The following RRBP1 variants were observed in gnomAD, a reference collection of about 807,000 sequenced individuals.
RRBP1 encodes the protein ribosome binding protein 1.
Under a neutral mutation model 165.2 loss-of-function variants are expected in RRBP1, and 94 were observed. The observed-to-expected ratio is 0.57, with a 90% CI of 0.48 to 0.68. The LOEUF (loss-of-function observed/expected upper bound fraction) is 0.68, where lower values mean the gene tolerates loss of function less well. RRBP1 is among the 30% of genes least tolerant of loss of function. RRBP1 has a pLI of 0.00. For synonymous variants in RRBP1, 680 were observed against 714.5 expected (o/e 0.95, Z 0.77); for missense variants, 1,676 against 1,763.0 (o/e 0.95, Z 0.88).
At chr20:17,668,029 T>G (rs188749550) in intron 2 of RRBP1, among the ~76,000 whole-genome samples, 3 of 152,360 alleles carry the variant, frequency 2.0e-5, no homozygotes, top group East Asian at 3.9e-4. Flanking sequence ...ATAATATCTT[T>G]TTAATCTCTC....
chr20:17,622,481 C>A (rs1010748261), intron 13 of RRBP1, among the ~76,000 whole-genome samples: 1 of 151,948 alleles, frequency 6.6e-6, no homozygotes, highest in Admixed American at 6.5e-5. Flanking sequence ...AAGGGGCAAC[C>A]CAGAGAGGCT....
chr20:17,633,439 G>A, intron 8 of RRBP1, 21 bp downstream of exon 8: 1 of 1,607,944 alleles, frequency 6.2e-7, no homozygotes, highest in Non-Finnish European at 8.5e-7. Context: ...GGGCACTGAG[G>A]CGGCCACTGC....
At chr20:17,615,257 C>T (rs1212630506) in intron 23 of RRBP1, among the ~76,000 whole-genome samples, 174 bp downstream of exon 23, 1 of 152,224 alleles carries the variant, frequency 6.6e-6, no homozygotes, top group Non-Finnish European at 1.5e-5. Flanking sequence ...CCATGTGACA[C>T]TGCAGGGCTA....
At chr20:17,652,104 CCA>C (rs1165966495) in intron 3 of RRBP1, among the ~76,000 whole-genome samples, 1 of 152,226 alleles carries the variant, frequency 6.6e-6, no homozygotes, top group Non-Finnish European at 1.5e-5. Flanking sequence ...TATGGGCCAG[CCA>C]CAGCCTCTGT....
intron 2 of RRBP1, among the ~76,000 whole-genome samples, chr20:17,677,567 C>T (rs919607245): frequency 2.6e-5 from 4 of 152,278 alleles, no homozygotes; most frequent in South Asian, 2.1e-4. Context: ...AGGCCGGGCA[C>T]GGTGGCTCAT....
chr20:17,626,801 T>C (rs374801434), intron 11 of RRBP1, among the ~76,000 whole-genome samples: 3 of 152,246 alleles, frequency 2.0e-5, no homozygotes, highest in South Asian at 4.1e-4. Context: ...TCCCCGAACA[T>C]GGCCTGGCGC....
chr20:17,628,535 C>T (rs902806125), intron 9 of RRBP1, among the ~76,000 whole-genome samples: 5 of 152,230 alleles, frequency 3.3e-5, no homozygotes, highest in African/African-American at 7.2e-5. Flanking sequence ...TGTCCAGAAG[C>T]GCACATGAGA....
chr20:17,663,800 GA>G (rs978480010), intron 2 of RRBP1, among the ~76,000 whole-genome samples: 2 of 152,166 alleles, frequency 1.3e-5, no homozygotes, highest in African/African-American at 4.8e-5. Context: ...GCCCCCAACA[GA>G]AACCTCTTCT....
At chr20:17,653,393 T>C (rs1000218013) in intron 3 of RRBP1, among the ~76,000 whole-genome samples, 3 of 152,244 alleles carry the variant, frequency 2.0e-5, no homozygotes, top group Non-Finnish European at 2.9e-5. Flanking sequence ...CCACCCATGC[T>C]GTTAGTAAGA....
At chr20:17,618,259 G>T (rs2035839267) in intron 20 of RRBP1, among the ~76,000 whole-genome samples, 1 of 152,194 alleles carries the variant, frequency 6.6e-6, no homozygotes, top group African/African-American at 2.4e-5. Flanking sequence ...TGATGCCAGG[G>T]ACTGCAATAT....
chr20:17,632,496 C>A (rs1260007457), intron 8 of RRBP1, among the ~76,000 whole-genome samples: 2 of 152,218 alleles, frequency 1.3e-5, no homozygotes, highest in African/African-American at 4.8e-5. Context: ...CTCAATTCCA[C>A]CCCAATTCAA....
Position 17,641,466 on chromosome 20 carries a change from T to C in RRBP1, c.2184+331A>G, listed in dbSNP as rs940694517. The C allele has an allele frequency of 2.6e-5, 9 of 340,942 alleles. No individual in the cohort carries two copies. In the East Asian group the frequency reaches 6.1e-4, roughly 23 times the overall value. 21.1% of individuals were successfully genotyped at this position (340,942 alleles called of 1,614,324 possible). A position where few individuals can be genotyped will look rare whatever the true frequency, so the allele number is the denominator to read the frequency against. On this transcript the variant is annotated intron_variant, in intron 5 of 24. Transcript: ENST00000377813. Reference sequence around the variant, plus strand: ...AGCCCCTAGAAAGCTGGCCTGTGACTGCAGGACCTGTCTAGTGAAAGCCAG... The same window carrying C: ...AGCCCCTAGAAAGCTGGCCTGTGACCGCAGGACCTGTCTAGTGAAAGCCAG...
chr20:17,678,286 G>C (rs2037118950), intron 2 of RRBP1, among the ~76,000 whole-genome samples: 1 of 152,140 alleles, frequency 6.6e-6, no homozygotes, highest in Non-Finnish European at 1.5e-5. Flanking sequence ...TCCCTTACAA[G>C]CCATCACTTT....
chr20:17,615,184 C>T (rs945382820), intron 23 of RRBP1, among the ~76,000 whole-genome samples: 12 of 152,248 alleles, frequency 7.9e-5, no homozygotes, highest in African/African-American at 1.7e-4. Flanking sequence ...GGCTGAGGAA[C>T]GCACTTCACG....
intron 15 of RRBP1, 26 bp downstream of exon 15, chr20:17,621,664 G>A: frequency 6.2e-7 from 1 of 1,610,158 alleles, no homozygotes; most frequent in Non-Finnish European, 8.5e-7. Flanking sequence ...CCCAACAGAG[G>A]AGCCTTGCCA....
intron 8 of RRBP1, 31 bp from the exon 9 acceptor site, chr20:17,629,992 A>G (rs752409823): frequency 1.9e-6 from 3 of 1,578,788 alleles, no homozygotes; most frequent in South Asian, 1.1e-5. Flanking sequence ...GGGGCAGTGA[A>G]GACGTGGAAG....
Position 17,614,843 on chromosome 20 carries a change from A to G in RRBP1, c.4088T>C (p.Leu1363Pro), listed in dbSNP as rs1042514038. 4 of 1,613,664 alleles carry G rather than the reference A, an allele frequency of 2.5e-6. No homozygotes were observed. The African/African-American group carries it at 5.3e-5, about 22-fold the overall frequency. ...CTGCAGTCTCGTGGCGGCGCGCCCC[A>G]GGTCACTTGTTAACTTCTTCTCTTT... Reference protein sequence around the residue: ...LEKEKKLTSDLGRAATRLQEL... With the variant: ...LEKEKKLTSDPGRAATRLQEL... Residue 1363 changes from leucine (L) to proline (P), a missense_variant, in exon 24 of 25, where the codon CTG (leucine) becomes CCG (proline). Leu to Pro is a moderately conservative substitution (Grantham distance 98, BLOSUM62 -3). Around this residue, in one of 5 missense-constraint regions of RRBP1, gnomAD observed 1,184 missense variants for 1,167.1 expected, o/e 1.01. Transcript: ENST00000377813.
At chr20:17,658,106 C>T (rs926606674) in intron 3 of RRBP1, among the ~76,000 whole-genome samples, 6 of 152,146 alleles carry the variant, frequency 3.9e-5, no homozygotes, top group East Asian at 3.9e-4. Context: ...TGCCAAGACA[C>T]GGACCTGTTG....
intron 2 of RRBP1, among the ~76,000 whole-genome samples, chr20:17,669,329 A>C (rs2036930841): frequency 6.6e-6 from 1 of 152,208 alleles, no homozygotes; most frequent in Non-Finnish European, 1.5e-5. Flanking sequence ...TCTTCTGCGA[A>C]CTTCCAAGAA....
Sources: allele counts gnomAD v4.1 joint callset (sites outside exome capture counted in the v4.1 genomes callset), GRCh38; gene constraint gnomAD v4.1.1; regional missense constraint gnomAD v4.1.1; transcripts MANE v1.5; gene names NCBI Gene and HGNC (gene_info 2026-07-23, HGNC 2026-07-21).